The following TRUB2 variants were observed in gnomAD, a reference collection of about 807,000 sequenced individuals.
TRUB2 encodes the protein pseudouridylate synthase TRUB2, mitochondrial.
Under a neutral mutation model 31.9 loss-of-function variants are expected in TRUB2, and 31 were observed. That is an observed-to-expected ratio of 0.97 (90% confidence interval 0.73 to 1.31). The LOEUF (loss-of-function observed/expected upper bound fraction) is 1.31, where lower values mean the gene tolerates loss of function less well. Ranked by LOEUF, TRUB2 falls within the 50% of genes most tolerant of loss-of-function variation. TRUB2 has a pLI of 0.00. For missense variants in TRUB2, 451 were observed against 439.6 expected, an observed-to-expected ratio of 1.03 and a Z score of -0.23; for synonymous variants, 201 against 182.6, an observed-to-expected ratio of 1.10 and a Z score of -0.81.
At chr9:128,317,278 T>A in intron 2 of TRUB2, 52 bp from the exon 3 acceptor site, 1 of 1,536,542 alleles carries the variant, frequency 6.5e-7, no homozygotes. Context: ...CACCCCAGGA[T>A]GGCTTTGGGC....
chr9:128,312,390 G>A (rs1392544309), intron 5 of TRUB2, among the ~76,000 whole-genome samples: 1 of 151,268 alleles, frequency 6.6e-6, no homozygotes, highest in East Asian at 2.0e-4. Context: ...CACCTGCCTT[G>A]GCCTCCCAAA....
At chr9:128,315,167 G>A (rs1832045372) in intron 4 of TRUB2, among the ~76,000 whole-genome samples, 1 of 152,142 alleles carries the variant, frequency 6.6e-6, no homozygotes, top group South Asian at 2.1e-4. Context: ...ATAGGGAATG[G>A]CATCATGATC....
Position 128,309,644 on chromosome 9 carries a change from C to T in TRUB2, c.902G>A (p.Gly301Glu). 1 of 1,614,218 alleles carries T rather than the reference C, an allele frequency of 6.2e-7. No individual in the cohort carries two copies. Among genetic ancestry groups the T allele is most frequent in the South Asian group, 1.1e-5 (1 of 91,092 alleles). The change falls in exon 8 of 8, where the codon GGG becomes GAG. Residue 301 changes from glycine to glutamate, a missense_variant. Coordinates refer to ENST00000372890, the MANE Select transcript of TRUB2 (RefSeq NM_015679.3). Reference sequence around the variant, plus strand: ...ACTGGGGAGCTGCTTGGTGTCCAGCCCCGGGCTCAAGCTCTTCTCCAGCTC... The same window carrying T: ...ACTGGGGAGCTGCTTGGTGTCCAGCTCCGGGCTCAAGCTCTTCTCCAGCTC... ...AAELEKSLSP[G>E]LDTKQLPSPG...
rs1171947414 is a variant in TRUB2 at position 128,305,318 on chromosome 9, T to G, written c.*4232A>C. ...GCCCCTCCCCCAGGTGCCCAGTTCA[T>G]ACAGGCAGGCAATTGGCAGACGTGG... On this transcript the variant is annotated 3_prime_UTR_variant, in exon 8 of 8. Transcript: ENST00000372890. 6.6e-6 allele frequency: 1 copy of G among 152,308 alleles called. No individual in the cohort carries two copies. Among genetic ancestry groups the G allele is most frequent in the Admixed American group, 6.5e-5 (1 of 15,272 alleles). The allele number at this position is 152,308 out of a possible 1,614,324, so 9.4% of individuals were successfully genotyped here.
intron 7 of TRUB2, 145 bp downstream of exon 7, chr9:128,310,742 C>T: frequency 2.6e-6 from 3 of 1,143,740 alleles, no homozygotes; most frequent in Non-Finnish European, 3.7e-6. Context: ...AAGTCGGCAC[C>T]TGATGCCTTG....
chr9:128,321,481 C>G, intron 2 of TRUB2, 118 bp downstream of exon 2: 1 of 1,538,428 alleles, frequency 6.5e-7, no homozygotes, highest in Non-Finnish European at 8.8e-7. Context: ...TGGTCTAATA[C>G]CTCACTCCTC....
At chr9:128,319,131 C>T (rs1832117953) in intron 2 of TRUB2, among the ~76,000 whole-genome samples, 1 of 151,896 alleles carries the variant, frequency 6.6e-6, no homozygotes, top group Non-Finnish European at 1.5e-5. Flanking sequence ...TCGAGACTAT[C>T]CTGCCTAACA....
Position 128,322,375 on chromosome 9 carries a change from G to A in TRUB2, c.34C>T (p.Leu12Phe), listed in dbSNP as rs544236306. Residue 12 changes from leucine to phenylalanine, a missense_variant, in exon 1 of 8, where the codon CTT becomes TTT. By Grantham distance (22) the Leu-to-Phe change is conservative (BLOSUM62 0). Transcript: ENST00000372890. ...CCCGGGGGCTTATAGACCGCGAAAA[G>A]CCCATGCAGCCGCGACAAGCCAGCA... ...GSAGLSRLHG[L>F]FAVYKPPGLK... is the part of the protein sequence containing the mutation. 1.9e-6 allele frequency: 3 copies of A among 1,614,168 alleles called. No individual in the cohort carries two copies. Among genetic ancestry groups the A allele is most frequent in the Admixed American group, 1.7e-5 (1 of 60,020 alleles).
chr9:128,317,814 A>G (rs529286628), intron 2 of TRUB2, among the ~76,000 whole-genome samples: 17 of 152,354 alleles, frequency 1.1e-4, no homozygotes, highest in African/African-American at 4.1e-4. Flanking sequence ...GGTGATATCA[A>G]TGAGGATTGT....
intron 3 of TRUB2, 133 bp downstream of exon 3, chr9:128,317,019 T>C (rs892138067): frequency 1.3e-6 from 1 of 758,118 alleles, no homozygotes; most frequent in Non-Finnish European, 2.1e-6. Flanking sequence ...TGATCAGCCT[T>C]GGGGCAGGAA....
intron 7 of TRUB2, among the ~76,000 whole-genome samples, chr9:128,310,552 G>C (rs1056402347): frequency 6.6e-6 from 1 of 151,872 alleles, no homozygotes; most frequent in Admixed American, 6.6e-5. Flanking sequence ...GACTGGGGAC[G>C]TAAGAGTTGT....
At chr9:128,315,938 C>T (rs947224990) in intron 3 of TRUB2, 1 of 403,758 alleles carries the variant, frequency 2.5e-6, no homozygotes, top group Non-Finnish European at 4.7e-6. Context: ...CAAACCTGCA[C>T]TCAAATCAGG....
chr9:128,315,513 G>A (rs1832051213), intron 4 of TRUB2, 54 bp downstream of exon 4: 3 of 1,571,718 alleles, frequency 1.9e-6, no homozygotes, highest in Non-Finnish European at 2.6e-6. Flanking sequence ...AATCCTGCTG[G>A]TGACCCCCAG....
chr9:128,309,913 G>GCA (rs1241134609), intron 7 of TRUB2, 38 bp from the exon 8 acceptor site: 1 of 1,597,124 alleles, frequency 6.3e-7, no homozygotes, highest in Admixed American at 1.7e-5. Flanking sequence ...GGTGGTGAGA[G>GCA]CACAGCCTCT....
At chr9:128,318,636 G>T (rs985176977) in intron 2 of TRUB2, among the ~76,000 whole-genome samples, 1 of 151,798 alleles carries the variant, frequency 6.6e-6, no homozygotes, top group African/African-American at 2.4e-5. Flanking sequence ...AGATTCAAGC[G>T]ATTCTCATGC....
chr9:128,316,755 T>C (rs1832075597), intron 3 of TRUB2: 1 of 182,216 alleles, frequency 5.5e-6, no homozygotes, highest in Non-Finnish European at 1.2e-5. Flanking sequence ...CGCGCCTGGC[T>C]GCCCCATGAT....
At chr9:128,313,374 A>G (rs1832008539) in intron 5 of TRUB2, among the ~76,000 whole-genome samples, 1 of 150,356 alleles carries the variant, frequency 6.7e-6, no homozygotes, top group African/African-American at 2.4e-5. Context: ...TCTACTAAAA[A>G]TACAAAAAAA....
chr9:128,318,604 C>T (rs1441876725), intron 2 of TRUB2, among the ~76,000 whole-genome samples: 1 of 151,908 alleles, frequency 6.6e-6, no homozygotes, highest in African/African-American at 2.4e-5. Context: ...GCCATCTCAA[C>T]TCACTGCAAC....
Position 128,308,591 on chromosome 9 carries a change from TCA to T in TRUB2, c.*957_*958del, listed in dbSNP as rs1163859371. 1 of 151,704 alleles carries T rather than the reference TCA, an allele frequency of 6.6e-6. No individual in the cohort carries two copies. The highest frequency in any genetic ancestry group is 1.5e-5 in the Non-Finnish European group (1 of 67,962). 9.4% of individuals were successfully genotyped at this position (151,704 alleles called of 1,614,324 possible). A position where few individuals can be genotyped will look rare whatever the true frequency, so the allele number is the denominator to read the frequency against. ...AATCAGTCAATGGGTAGACTTTGAG[TCA>T]CGCTGATTATCCACCACAATTGTGG... On this transcript the variant is annotated 3_prime_UTR_variant, in exon 8 of 8. Transcript: ENST00000372890.
Sources: gnomAD v4.1 joint callset for allele counts (sites outside exome capture counted in the v4.1 genomes callset) on GRCh38, gnomAD v4.1.1 for gene constraint, MANE v1.5 for transcripts, NCBI Gene and HGNC (gene_info 2026-07-23, HGNC 2026-07-21) for gene names.